The following HECW1 variants were observed in gnomAD, a reference collection of about 807,000 sequenced individuals.
HECW1 encodes E3 ubiquitin-protein ligase HECW1.
HECW1 carries 61 observed loss-of-function variants against 182.3 expected under a neutral mutation model. The ratio of observed to expected loss-of-function variants is 0.33; its 90% CI spans 0.27 to 0.41. HECW1 has a LOEUF of 0.41. Among genes scored for constraint, HECW1 ranks in the 10% least tolerant of loss-of-function variants. The pLI, the probability that HECW1 is intolerant of heterozygous loss-of-function variation, is 1.00. For synonymous variants in HECW1, 859 were observed against 832.6 expected, an observed-to-expected ratio of 1.03 and a Z score of -0.55; for missense variants, 1,739 against 2,108.9, an observed-to-expected ratio of 0.82 and a Z score of 3.44.
rs5883857 is a variant in HECW1 at position 43,114,730 on chromosome 7, C to CTT, written c.-32+347_-32+348dup. On this transcript the variant is annotated intron_variant, in intron 2 of 29. Transcript: ENST00000395891. ...GGCTGCTTTGTGGAATGACAGTTCTCTTTTTTTTTGGAGTAGTTTTTTCAT... is the reference window on the plus strand; with the variant it reads ...GGCTGCTTTGTGGAATGACAGTTCTCTTTTTTTTTTTGGAGTAGTTTTTTCAT... Among the ~76,000 whole-genome samples the CTT allele has an allele frequency of 2.3e-3, 348 of 151,298 alleles. 1 individual carries two copies. Among genetic ancestry groups the CTT allele is most frequent in the African/African-American group, 7.3e-3 (301 of 41,174 alleles).
At position 43,553,117 on chromosome 7, in the gene HECW1, A is replaced by T. The variant is rs1195890235; in HGVS notation, c.4510+781A>T. ...CCAAAGCTAATGTCTAACCCTTCCT[A>T]AATACTCACCTTGCACACTGCCAGA... is the stretch of plus-strand genomic sequence containing the variant. On this transcript the variant is annotated intron_variant, in intron 28 of 29. Transcript: ENST00000395891. Among the ~76,000 whole-genome samples the T allele has an allele frequency of 4.6e-5, 7 of 152,264 alleles. No individual in the cohort carries two copies. In the East Asian group the frequency reaches 1.2e-3, roughly 25 times the overall value.
At chr7:43,224,210 T>C (rs757273870) in intron 2 of HECW1, among the ~76,000 whole-genome samples, 3 of 152,214 alleles carry the variant, frequency 2.0e-5, no homozygotes, top group Admixed American at 6.5e-5. Context: ...CCAAAGAACA[T>C]CGAACTGCAT....
chr7:43,315,491 TATC>T (rs1344698384), intron 4 of HECW1, among the ~76,000 whole-genome samples: 1 of 149,106 alleles, frequency 6.7e-6, no homozygotes, highest in Non-Finnish European at 1.5e-5. Flanking sequence ...TTATTATTAT[TATC>T]ATTATTACTA....
At chr7:43,558,573 A>C (rs980929935) in intron 29 of HECW1, among the ~76,000 whole-genome samples, 1 of 152,202 alleles carries the variant, frequency 6.6e-6, no homozygotes, top group Non-Finnish European at 1.5e-5. Context: ...ACTGGTGTCC[A>C]TTGAGTAGAA....
chr7:43,295,724 G>C (rs943114316), intron 3 of HECW1, among the ~76,000 whole-genome samples: 1 of 152,120 alleles, frequency 6.6e-6, no homozygotes, highest in Non-Finnish European at 1.5e-5. Flanking sequence ...AGAGACCTTT[G>C]TTTATATCCC....
chr7:43,164,601 T>C (rs1222459009), intron 2 of HECW1, among the ~76,000 whole-genome samples: 1 of 152,176 alleles, frequency 6.6e-6, no homozygotes, highest in Non-Finnish European at 1.5e-5. Context: ...CTCCTGAGGG[T>C]CAGGCCCCTG....
At chr7:43,223,594 G>T (rs944620086) in intron 2 of HECW1, among the ~76,000 whole-genome samples, 1 of 151,934 alleles carries the variant, frequency 6.6e-6, no homozygotes, top group African/African-American at 2.4e-5. Context: ...ACTCCAGCTT[G>T]GGCAACAAGA....
chr7:43,398,128 G>C (rs111733144), intron 7 of HECW1, among the ~76,000 whole-genome samples: 3,237 of 152,106 alleles, frequency 0.021, 85 homozygotes, highest in African/African-American at 0.064. Flanking sequence ...ATGGTGGCGG[G>C]CTCCTGTAGT....
chr7:43,134,597 C>A (rs185659172), intron 2 of HECW1, among the ~76,000 whole-genome samples: 1 of 151,978 alleles, frequency 6.6e-6, no homozygotes, highest in African/African-American at 2.4e-5. Flanking sequence ...CTTTGAACTC[C>A]TGGGCTCAAG....
At chr7:43,225,257 C>T (rs748344401) in intron 2 of HECW1, among the ~76,000 whole-genome samples, 7 of 152,100 alleles carry the variant, frequency 4.6e-5, no homozygotes, top group Non-Finnish European at 8.8e-5. Context: ...AGAAGGCTGG[C>T]GATAGCAAGT....
At chr7:43,366,102 CAA>C (rs375358030) in intron 6 of HECW1, among the ~76,000 whole-genome samples, 5 of 138,302 alleles carry the variant, frequency 3.6e-5, no homozygotes, top group Non-Finnish European at 3.2e-5. Flanking sequence ...GACTGTCTCA[CAA>C]AAAAAAAAAA....
intron 3 of HECW1, among the ~76,000 whole-genome samples, chr7:43,295,132 T>C (rs1004921973): frequency 6.6e-6 from 1 of 151,998 alleles, no homozygotes; most frequent in Admixed American, 6.5e-5. Context: ...AGTGAAACAA[T>C]AGGGCAAAAA....
chr7:43,451,807 A>G (rs1330845791), intron 12 of HECW1, among the ~76,000 whole-genome samples: 1 of 152,214 alleles, frequency 6.6e-6, no homozygotes, highest in African/African-American at 2.4e-5. Context: ...TCAAGCAAAG[A>G]TAGTATTTAA....
rs757763095 is a variant in HECW1 at position 43,479,735 on chromosome 7, C to T, written c.3225C>T (p.Ser1075=). 24 of 1,613,936 alleles carry T rather than the reference C, an allele frequency of 1.5e-5. No homozygotes were observed. The highest frequency in any genetic ancestry group is 3.3e-5 in the South Asian group (3 of 91,072). The change falls in exon 17 of 30, where the codon AGC becomes AGT. Residue 1075 remains serine (S), a synonymous_variant. Coordinates refer to ENST00000395891, the MANE Select transcript of HECW1 (RefSeq NM_015052.5). ...ACCTCCAGAGGCTCCGAAGTTACAG[C>T]GCTGGAGAGGTAACCCTCCCTACAC... is the stretch of plus-strand genomic sequence containing the variant. ...RQHLQRLRSY[S]AGEASEVSRN...
intron 6 of HECW1, among the ~76,000 whole-genome samples, chr7:43,385,437 G>A (rs2074755057): frequency 6.6e-6 from 1 of 150,976 alleles, no homozygotes; most frequent in East Asian, 2.0e-4. Context: ...AGTATACACT[G>A]GACTCACCTG....
intron 17 of HECW1, among the ~76,000 whole-genome samples, chr7:43,486,826 G>T (rs2078665126): frequency 6.6e-6 from 1 of 152,158 alleles, no homozygotes. Flanking sequence ...GGAGACACAG[G>T]TACACATAAA....
In HECW1 at chr7:43,483,547, C is replaced by CTTT. The variant is rs549214390; in HGVS notation, c.3234+3820_3234+3822dup. 4.3e-3 allele frequency among the ~76,000 whole-genome samples: 514 copies of CTTT among 119,034 alleles called. 18 individuals carry two copies. The highest frequency in any genetic ancestry group is 0.03 in the East Asian group (126 of 4,214). The allele number at this position is 119,034 out of a possible 152,430, so 78.1% of individuals were successfully genotyped here. ...TTCCTAACAGTCATCCATGCAAACTCTTTTTTTTTTTTTTTTTTTGAGCTA... is the reference window on the plus strand; with the variant it reads ...TTCCTAACAGTCATCCATGCAAACTCTTTTTTTTTTTTTTTTTTTTTTGAGCTA... On this transcript the variant is annotated intron_variant, in intron 17 of 29. Transcript: ENST00000395891.
intron 5 of HECW1, among the ~76,000 whole-genome samples, chr7:43,355,474 A>T (rs7783118): frequency 0.45 from 67,648 of 151,724 alleles, 15,228 homozygotes; most frequent in African/African-American, 0.49. Flanking sequence ...GCTTTTTTTT[A>T]AATTTGTTCT....
chr7:43,530,883 G>C lies in HECW1; in HGVS notation c.4020-10280G>C, dbSNP rs372797598. Among the ~76,000 whole-genome samples the C allele has an allele frequency of 3.3e-5, 5 of 152,140 alleles. No individual in the cohort carries two copies. The South Asian group carries it at 8.3e-4, about 25-fold the overall frequency. ...CTCCTAAAATCTATATCCTTCATAT[G>C]GGTGCAAAGTGATTTCTCTAAAAAT... is the stretch of plus-strand genomic sequence containing the variant. On this transcript the variant is annotated intron_variant, in intron 24 of 29. Transcript: ENST00000395891.
Sources: allele counts gnomAD v4.1 joint callset (sites outside exome capture counted in the v4.1 genomes callset), GRCh38; gene constraint gnomAD v4.1.1; transcripts MANE v1.5; gene names NCBI Gene and HGNC (gene_info 2026-07-23, HGNC 2026-07-21).